CASQ1: variants seen among roughly 807,000 people sequenced by gnomAD.
CASQ1 encodes calsequestrin-1.
In CASQ1, 40 loss-of-function variants were observed where a neutral mutation model predicts 49.5. The observed-to-expected ratio is 0.81, with a 90% CI of 0.63 to 1.05. The LOEUF is 1.05. Ranked by LOEUF, CASQ1 falls within the 50% of genes least tolerant of loss-of-function variation. CASQ1 has a pLI of 0.00. For missense variants in CASQ1, 469 were observed against 486.9 expected (o/e 0.96, Z 0.35); for synonymous variants, 174 against 187.2 (o/e 0.93, Z 0.58).
chr1:160,191,347 G>A (rs989353676), intron 1 of CASQ1, among the ~76,000 whole-genome samples: 16 of 152,052 alleles, frequency 1.1e-4, no homozygotes, highest in African/African-American at 3.4e-4. Flanking sequence ...AAAAAGGGAG[G>A]TACTTGGAGG....
At position 160,192,925 on chromosome 1, in the gene CASQ1, G is replaced by C. The variant is rs763811259; in HGVS notation, c.364+39G>C. Reference sequence around the variant, plus strand: ...GGGCAGGGGAGGGGAAGGTGGCATTGAGACAAGGGGAGGCTTAGGGCGGAG... The same window carrying C: ...GGGCAGGGGAGGGGAAGGTGGCATTCAGACAAGGGGAGGCTTAGGGCGGAG... On this transcript the variant is annotated intron_variant, in intron 2 of 10. Coordinates refer to ENST00000368078, the MANE Select transcript of CASQ1 (RefSeq NM_001231.5). The C allele has an allele frequency of 2.6e-6, 4 of 1,541,792 alleles. No individual in the cohort carries two copies. The African/African-American group carries it at 5.4e-5, about 21-fold the overall frequency.
rs564056964 is a variant in CASQ1, at chr1:160,199,371, C to G, written c.984+318C>G. ...GGGTATACACACTCAATCATAGAAT[C>G]ATAGCACAGAGATTCCCTGTTTCAG... On this transcript the variant is annotated intron_variant, in intron 9 of 10. Transcript: ENST00000368078. Among the ~76,000 whole-genome samples the G allele has an allele frequency of 1.1e-4, 17 of 152,340 alleles. No individual in the cohort carries two copies. In the Middle Eastern group the frequency reaches 0.01, roughly 91 times the overall value.
At chr1:160,195,254 G>T in intron 4 of CASQ1, 131 bp downstream of exon 4, 1 of 737,150 alleles carries the variant, frequency 1.4e-6, no homozygotes, top group Non-Finnish European at 2.3e-6. Flanking sequence ...GCCGTGGTCA[G>T]CACCATCAAC....
At position 160,190,689 on chromosome 1, in the gene CASQ1, C is replaced by A; in HGVS notation, c.-63C>A. 1 of 1,524,670 alleles carries A rather than the reference C, an allele frequency of 6.6e-7. No individual in the cohort carries two copies. The highest frequency in any genetic ancestry group is 8.9e-7 in the Non-Finnish European group (1 of 1,123,988). 94.4% of individuals were successfully genotyped at this position (1,524,670 alleles called of 1,614,324 possible). A position where few individuals can be genotyped will look rare whatever the true frequency, so the allele number is the denominator to read the frequency against. Reference sequence around the variant, plus strand: ...TAACTCAGAATCTGGGACCCAGGGGCCCCTCCCTACCCCAGCTAACCTCTT... The same window carrying A: ...TAACTCAGAATCTGGGACCCAGGGGACCCTCCCTACCCCAGCTAACCTCTT... On this transcript the variant is annotated 5_prime_UTR_variant, in exon 1 of 11. Transcript: ENST00000368078.
chr1:160,201,595 CTG>C lies in CASQ1; in HGVS notation c.*221_*222del. The C allele has an allele frequency of 1.7e-6, 1 of 587,706 alleles. No homozygotes were observed. Among genetic ancestry groups the C allele is most frequent in the South Asian group, 2.1e-5 (1 of 48,666 alleles). The allele number at this position is 587,706 out of a possible 1,614,324, so 36.4% of individuals were successfully genotyped here. A position where few individuals can be genotyped will look rare whatever the true frequency, so the allele number is the denominator to read the frequency against. ...AGGCCAGCTCTCTCTTATCTGACTT[CTG>C]TTTCTTATCCCATAACTTACTTGTA... is the stretch of plus-strand genomic sequence containing the variant. On this transcript the variant is annotated 3_prime_UTR_variant, in exon 11 of 11. Transcript: ENST00000368078.
In CASQ1 at chr1:160,196,012, TGGA is replaced by T. The variant is rs747649543; in HGVS notation, c.772_774del (p.Glu258del). On this transcript the variant is annotated inframe_deletion, in exon 6 of 11. Transcript: ENST00000368078. ...AGCGAAGAGGAGATTGTCAACTTCGTGGAGGAGCACAGGAGGTGGGGACCAAGG... is the reference window on the plus strand; with the variant it reads ...AGCGAAGAGGAGATTGTCAACTTCGTGGAGCACAGGAGGTGGGGACCAAGG... 5 of 1,613,988 alleles carry T rather than the reference TGGA, an allele frequency of 3.1e-6. No homozygotes were observed. The Middle Eastern group carries it at 6.6e-4, about 213-fold the overall frequency.
At chr1:160,199,801 C>T (rs377073423) in intron 9 of CASQ1, 50 bp from the exon 10 acceptor site, 275 of 1,251,808 alleles carry the variant, frequency 2.2e-4, no homozygotes, top group Non-Finnish European at 2.6e-4. Flanking sequence ...CTCCTGGATT[C>T]ATGTGCTCCC....
intron 3 of CASQ1, 78 bp from the exon 4 acceptor site, chr1:160,194,934 A>C: frequency 1.2e-6 from 1 of 856,918 alleles, no homozygotes; most frequent in Non-Finnish European, 1.9e-6. Context: ...CCAGTTCCCC[A>C]GCCTTCTTTT....
intron 2 of CASQ1, among the ~76,000 whole-genome samples, chr1:160,193,217 C>T (rs1331642108): frequency 6.6e-6 from 1 of 152,110 alleles, no homozygotes; most frequent in Non-Finnish European, 1.5e-5. Context: ...GCAAACTCCG[C>T]TTCCAACCCC....
At chr1:160,197,504 A>C in intron 6 of CASQ1, 65 bp from the exon 7 acceptor site, 1 of 1,178,944 alleles carries the variant, frequency 8.5e-7, no homozygotes, top group Non-Finnish European at 1.3e-6. Context: ...CCTTTGCTAC[A>C]GGACCCTCTG....
chr1:160,197,793 T>C (rs566020645), intron 7 of CASQ1, among the ~76,000 whole-genome samples, 179 bp downstream of exon 7: 40 of 151,000 alleles, frequency 2.6e-4, no homozygotes, highest in South Asian at 1.3e-3. Context: ...CCAAGGTGGG[T>C]GGATCACGAG....
chr1:160,195,807 C>A, intron 5 of CASQ1, 90 bp from the exon 6 acceptor site: 1 of 1,393,424 alleles, frequency 7.2e-7, no homozygotes, highest in South Asian at 1.3e-5. Context: ...CTTTCTGACT[C>A]CCTTCCTAAT....
At chr1:160,195,247 G>A (rs541859563) in intron 4 of CASQ1, 124 bp downstream of exon 4, 51 of 743,206 alleles carry the variant, frequency 6.9e-5, no homozygotes, top group East Asian at 2.1e-4. Flanking sequence ...TCCTCCAGCC[G>A]TGGTCAGCAC....
intron 8 of CASQ1, 102 bp from the exon 9 acceptor site, chr1:160,198,851 A>G: frequency 8.4e-7 from 1 of 1,189,720 alleles, no homozygotes; most frequent in Non-Finnish European, 1.3e-6. Context: ...AGGGCTAGAC[A>G]TGTGAAGCTT....
At chr1:160,199,231 G>A (rs552957700) in intron 9 of CASQ1, among the ~76,000 whole-genome samples, 178 bp downstream of exon 9, 2 of 152,152 alleles carry the variant, frequency 1.3e-5, no homozygotes, top group Non-Finnish European at 2.9e-5. Flanking sequence ...CTGAGCAAGG[G>A]GAAACAGGAC....
chr1:160,192,873 G>A lies in CASQ1; in HGVS notation c.351G>A (p.Val117=). The A allele has an allele frequency of 1.2e-6, 2 of 1,613,962 alleles. No individual in the cohort carries two copies. Among genetic ancestry groups the A allele is most frequent in the Non-Finnish European group, 1.7e-6 (2 of 1,179,888 alleles). ...TAGACTCTGAGAAGGATGCAGCTGT[G>A]GCCAAGAAACTAGGTAAGAGAGGGG... ...GLVDSEKDAA[V]AKKLGLTEVD... The change falls in exon 2 of 11, where the codon GTG becomes GTA. Residue 117 remains valine (V), a synonymous_variant. Coordinates refer to ENST00000368078, the MANE Select transcript of CASQ1 (RefSeq NM_001231.5).
chr1:160,193,844 T>C lies in CASQ1; in HGVS notation c.462T>C (p.Leu154=), dbSNP rs1459288471. 2 of 1,609,258 alleles carry C rather than the reference T, an allele frequency of 1.2e-6. No homozygotes were observed. The highest frequency in any genetic ancestry group is 1.3e-5 in the African/African-American group (1 of 74,646). ...FSADTIVEFL[L]DVLEDPVELI... is the part of the protein sequence containing the mutation. Reference sequence around the variant, plus strand: ...CTGACACCATCGTGGAGTTTCTGCTTGATGTAAGGACTCCCCTGGACCTGA... The same window carrying C: ...CTGACACCATCGTGGAGTTTCTGCTCGATGTAAGGACTCCCCTGGACCTGA... Residue 154 remains leucine (L), a synonymous_variant, in exon 3 of 11, where the codon CTT becomes CTC. Transcript: ENST00000368078.
In CASQ1 at chr1:160,190,598, G is replaced by C. The variant is rs1654049473; in HGVS notation, c.-154G>C. ...TTGGCTCTGTCGGCAGTTTCTCCAG[G>C]ACCCAGCAGTGCCCTCTGTCCACTG... On this transcript the variant is annotated 5_prime_UTR_variant, in exon 1 of 11. Coordinates refer to ENST00000368078, the MANE Select transcript of CASQ1 (RefSeq NM_001231.5). The C allele has an allele frequency of 1.5e-6, 1 of 670,384 alleles. No individual in the cohort carries two copies. The highest frequency in any genetic ancestry group is 2.5e-6 in the Non-Finnish European group (1 of 404,060). The allele number at this position is 670,384 out of a possible 1,614,324, so 41.5% of individuals were successfully genotyped here.
Position 160,199,373 on chromosome 1 carries a change from T to C in CASQ1, c.984+320T>C, listed in dbSNP as rs141162406. ...GTATACACACTCAATCATAGAATCA[T>C]AGCACAGAGATTCCCTGTTTCAGGA... On this transcript the variant is annotated intron_variant, in intron 9 of 10. Coordinates refer to ENST00000368078, the MANE Select transcript of CASQ1 (RefSeq NM_001231.5). Among the ~76,000 whole-genome samples, 163 of 152,326 alleles carry C rather than the reference T, an allele frequency of 1.1e-3. 1 individual carries two copies. The highest frequency in any genetic ancestry group is 3.8e-3 in the African/African-American group (158 of 41,570).
Sources: allele counts gnomAD v4.1 joint callset (sites outside exome capture counted in the v4.1 genomes callset), GRCh38; gene constraint gnomAD v4.1.1; transcripts MANE v1.5; gene names NCBI Gene and HGNC (gene_info 2026-07-23, HGNC 2026-07-21).